AP2S1: variants seen among roughly 807,000 people sequenced by gnomAD.
The protein encoded by AP2S1 is AP-2 complex subunit sigma.
In AP2S1, 6 loss-of-function variants were observed where a neutral mutation model predicts 21.0. The ratio of observed to expected loss-of-function variants is 0.29; its 90% CI spans 0.16 to 0.56. AP2S1 has a LOEUF of 0.56. AP2S1 is among the 20% of genes least tolerant of loss of function. The pLI is 0.92. For synonymous variants in AP2S1, 63 were observed against 74.6 expected (o/e 0.84, Z 0.80); for missense variants, 60 against 186.2 (o/e 0.32, Z 3.95).
At chr19:46,845,789 T>C (rs2055621002) in intron 2 of AP2S1, 9 of 616,952 alleles carry the variant, frequency 1.5e-5, no homozygotes, top group Non-Finnish European at 2.5e-5. Context: ...TCTTTCATTG[T>C]ACTAATCTGT....
intron 3 of AP2S1, 116 bp downstream of exon 3, chr19:46,839,349 G>A: frequency 1.2e-6 from 1 of 847,302 alleles, no homozygotes; most frequent in Non-Finnish European, 1.9e-6. Flanking sequence ...GAGAGGGAGA[G>A]TCCCAGTCAC....
chr19:46,839,439 C>CCCCCAAAAAAACAAA, intron 3 of AP2S1, 26 bp downstream of exon 3: 1 of 1,569,712 alleles, frequency 6.4e-7, no homozygotes, highest in Non-Finnish European at 8.7e-7. Flanking sequence ...CCCGCCTCCC[C>CCCCCAAAAAAACAAA]ACCTTACATC....
Position 46,846,117 on chromosome 19 carries a change from C to T in AP2S1, c.29G>A (p.Arg10Gln), listed in dbSNP as rs1297109231. 7 of 1,614,056 alleles carry T rather than the reference C, an allele frequency of 4.3e-6. No individual in the cohort carries two copies. Among genetic ancestry groups the T allele is most frequent in the Admixed American group, 1.7e-5 (1 of 60,002 alleles). MIRFILIQN[R>Q]AGKTRLAKWY... is the part of the protein sequence containing the mutation. ...CTTGGCCAGGCGCGTCTTGCCTGCC[C>T]GGTTCTGGATGAGGATAAAGCGGAT... The change falls in exon 2 of 5, where the codon CGG (arginine) becomes CAG (glutamine). Residue 10 changes from arginine (R) to glutamine (Q), a missense_variant. Transcript: ENST00000263270.
intron 1 of AP2S1, among the ~76,000 whole-genome samples, chr19:46,846,868 G>A (rs971820837): frequency 2.6e-5 from 4 of 151,998 alleles, no homozygotes; most frequent in African/African-American, 9.7e-5. Flanking sequence ...GTTTCACCAT[G>A]TTGGCCAGGC....
chr19:46,839,150 C>T (rs1020493129), intron 3 of AP2S1, among the ~76,000 whole-genome samples: 44 of 151,352 alleles, frequency 2.9e-4, no homozygotes, highest in African/African-American at 1.0e-3. Flanking sequence ...AGCTGGGCAT[C>T]GTGGCGTGTG....
chr19:46,841,761 A>C (rs2055525059), intron 2 of AP2S1, among the ~76,000 whole-genome samples: 1 of 152,196 alleles, frequency 6.6e-6, no homozygotes, highest in East Asian at 1.9e-4. Flanking sequence ...GCAAAAAGGG[A>C]CTCTGCAGTC....
intron 1 of AP2S1, among the ~76,000 whole-genome samples, chr19:46,849,801 G>GAC (rs1341279800): frequency 6.6e-6 from 1 of 151,874 alleles, no homozygotes; most frequent in Non-Finnish European, 1.5e-5. Context: ...TTTTACTGGT[G>GAC]ACATCCCTTG....
At chr19:46,849,726 G>A (rs1372559041) in intron 1 of AP2S1, among the ~76,000 whole-genome samples, 1 of 151,456 alleles carries the variant, frequency 6.6e-6, no homozygotes, top group Non-Finnish European at 1.5e-5. Context: ...CCCTCCTCTG[G>A]AGTTGTTCCC....
At position 46,846,032 on chromosome 19, in the gene AP2S1, C is replaced by T. The variant is rs1213525134; in HGVS notation, c.114G>A (p.Val38=). 1.2e-6 allele frequency: 2 copies of T among 1,614,024 alleles called. No individual in the cohort carries two copies. The highest frequency in any genetic ancestry group is 1.1e-5 in the South Asian group (1 of 91,066). Residue 38 remains valine, a synonymous_variant, in exon 2 of 5, where the codon GTG becomes GTA. Coordinates refer to ENST00000263270, the MANE Select transcript of AP2S1 (RefSeq NM_004069.6). ...TGTGTTTGGCGTCTCGGACGGTGACCACGGCATGCACCTCCTCGATCAGCT... is the reference window on the plus strand; with the variant it reads ...TGTGTTTGGCGTCTCGGACGGTGACTACGGCATGCACCTCCTCGATCAGCT... ...KQKLIEEVHA[V]VTVRDAKHTN...
chr19:46,839,165 T>G (rs2055465106), intron 3 of AP2S1, among the ~76,000 whole-genome samples: 2 of 151,148 alleles, frequency 1.3e-5, no homozygotes, highest in Admixed American at 1.3e-4. Flanking sequence ...CGTGTGCCTG[T>G]AATCCCAGCT....
At chr19:46,845,890 G>T in intron 2 of AP2S1, 103 bp downstream of exon 2, 1 of 1,478,494 alleles carries the variant, frequency 6.8e-7, no homozygotes, top group Non-Finnish European at 9.3e-7. Flanking sequence ...ATATAGGATG[G>T]ATAGAGGGTC....
intron 2 of AP2S1, among the ~76,000 whole-genome samples, chr19:46,844,808 T>A (rs917399671): frequency 1.4e-5 from 2 of 145,638 alleles, no homozygotes; most frequent in African/African-American, 2.6e-5. Context: ...TCAAAAAAAA[T>A]TTTTTAAAGA....
Position 46,838,953 on chromosome 19 carries a change from G to A in AP2S1, c.268-154C>T, listed in dbSNP as rs2055461363. On this transcript the variant is annotated intron_variant, in intron 3 of 4. Coordinates refer to ENST00000263270, the MANE Select transcript of AP2S1 (RefSeq NM_004069.6). This position sits in a 1 kb window ranked among gnomAD's most constrained non-coding sequence, Gnocchi z 4.1. ...AGACAGTGACAGGGAGAGAGGCAAG[G>A]AGACACACAGAGAGAAACAAAAGCA... is the stretch of plus-strand genomic sequence containing the variant. The A allele has an allele frequency of 1.6e-6, 1 of 634,088 alleles. No individual in the cohort carries two copies. The highest frequency in any genetic ancestry group is 2.8e-6 in the Non-Finnish European group (1 of 354,134). 39.3% of individuals were successfully genotyped at this position (634,088 alleles called of 1,614,324 possible).
intron 1 of AP2S1, among the ~76,000 whole-genome samples, chr19:46,848,379 C>CA (rs1239274962): frequency 2.6e-5 from 4 of 151,740 alleles, no homozygotes; most frequent in Non-Finnish European, 5.9e-5. Flanking sequence ...GACGCTGTCT[C>CA]AAAAAAACAA....
chr19:46,841,984 C>A (rs1259669110), intron 2 of AP2S1, among the ~76,000 whole-genome samples: 1 of 152,100 alleles, frequency 6.6e-6, no homozygotes, highest in Non-Finnish European at 1.5e-5. Flanking sequence ...AGTTCAAGAG[C>A]AGTTTAGGCA....
chr19:46,843,615 C>T (rs184792314), intron 2 of AP2S1, among the ~76,000 whole-genome samples: 2 of 152,158 alleles, frequency 1.3e-5, no homozygotes, highest in East Asian at 1.9e-4. Flanking sequence ...CCCAGCTACT[C>T]GGGAGGCTGA....
chr19:46,850,624 A>G, intron 1 of AP2S1, 140 bp downstream of exon 1: 1 of 798,420 alleles, frequency 1.3e-6, no homozygotes, highest in Non-Finnish European at 2.0e-6. Flanking sequence ...CCGGCCCTGG[A>G]TCGGTCCCAA....
At position 46,850,235 on chromosome 19, in the gene AP2S1, T is replaced by A. The variant is rs1237190471; in HGVS notation, c.3+529A>T. ...TCCTGTGCCAGGTCTCTTCTTGAGA[T>A]CATCCCTCTCTCACAGGCAGTCTCC... On this transcript the variant is annotated intron_variant, in intron 1 of 4. Coordinates refer to ENST00000263270, the MANE Select transcript of AP2S1 (RefSeq NM_004069.6). 3 of 1,232,674 alleles carry A rather than the reference T, an allele frequency of 2.4e-6. No individual in the cohort carries two copies. The East Asian group carries it at 9.5e-5, about 39-fold the overall frequency. 76.4% of individuals were successfully genotyped at this position (1,232,674 alleles called of 1,614,324 possible).
intron 2 of AP2S1, among the ~76,000 whole-genome samples, chr19:46,844,864 G>T (rs1024459380): frequency 5.9e-5 from 9 of 152,120 alleles, no homozygotes; most frequent in African/African-American, 2.2e-4. Context: ...CACTTTGGGA[G>T]GCCAAGGCGG....
Sources: gnomAD v4.1 joint callset for allele counts (sites outside exome capture counted in the v4.1 genomes callset) on GRCh38, gnomAD v4.1.1 for gene constraint, Gnocchi (gnomAD v3.1) non-coding constraint, MANE v1.5 for transcripts, NCBI Gene and HGNC (gene_info 2026-07-23, HGNC 2026-07-21) for gene names.